Variants in CSF1R observed in about 807,000 individuals in gnomAD.
The protein encoded by CSF1R is colony stimulating factor 1 receptor.
A neutral mutation model predicts 110.0 loss-of-function variants in CSF1R; 40 were observed. The ratio of observed to expected loss-of-function variants is 0.36; its 90% CI spans 0.28 to 0.47. The LOEUF (loss-of-function observed/expected upper bound fraction) is 0.47, where lower values mean the gene tolerates loss of function less well. Among genes scored for constraint, CSF1R ranks in the 20% least tolerant of loss-of-function variants. The pLI is 0.99. For missense variants in CSF1R, 1,052 were observed against 1,253.0 expected (o/e 0.84, Z 2.42); for synonymous variants, 523 against 503.4 (o/e 1.04, Z -0.52).
rs1354947985 is a variant in CSF1R, at chr5:150,085,283, A to AAAAAAAAAAC, written c.49+1095_49+1096insGTTTTTTTTT. 6.0e-5 allele frequency among the ~76,000 whole-genome samples: 9 copies of AAAAAAAAAAC among 150,052 alleles called. 1 individual carries two copies. The highest frequency in any genetic ancestry group is 2.2e-4 in the African/African-American group (9 of 40,508). ...GAGAGAGACTCTGTCTCAGGAAAAA[A>AAAAAAAAAAC]AAAAAAAAAACCCAAATACTCAAGC... On this transcript the variant is annotated intron_variant, in intron 1 of 20. Transcript: ENST00000675795.
At chr5:150,077,910 CG>C in intron 4 of CSF1R, among the ~76,000 whole-genome samples, 1 of 150,290 alleles carries the variant, frequency 6.7e-6, no homozygotes, top group East Asian at 2.0e-4. Flanking sequence ...CAAAGTTCAG[CG>C]GCACAAGCAT....
At chr5:150,092,419 C>T (rs571346402) in intron 1 of CSF1R, among the ~76,000 whole-genome samples, 2 of 150,128 alleles carry the variant, frequency 1.3e-5, no homozygotes, top group South Asian at 4.2e-4. Context: ...TAGTACTAAA[C>T]CCTGTATATG....
upstream of CSF1R, among the ~76,000 whole-genome samples, chr5:150,087,938 G>A (rs1321664574): frequency 1.3e-5 from 2 of 152,082 alleles, no homozygotes; most frequent in Non-Finnish European, 2.9e-5. Context: ...GTTTCACCAT[G>A]TTGTCCAGGC....
chr5:150,110,601 A>T (rs1199222457), intron 1 of CSF1R, among the ~76,000 whole-genome samples: 1 of 152,246 alleles, frequency 6.6e-6, no homozygotes, highest in African/African-American at 2.4e-5. Context: ...AAAAAGTTGC[A>T]CAATGACAAA....
intron 1 of CSF1R, among the ~76,000 whole-genome samples, chr5:150,105,382 A>ATTTT (rs1195495947): frequency 2.4e-5 from 2 of 82,798 alleles, no homozygotes; most frequent in African/African-American, 9.3e-5. Flanking sequence ...ATATATATAT[A>ATTTT]TATTTTTTTT....
At position 150,077,389 on chromosome 5, in the gene CSF1R, T is replaced by C. The variant is rs1758313662; in HGVS notation, c.776A>G (p.Lys259Arg). 1 of 1,613,948 alleles carries C rather than the reference T, an allele frequency of 6.2e-7. No homozygotes were observed. The highest frequency in any genetic ancestry group is 1.3e-5 in the African/African-American group (1 of 74,894). The part of the protein sequence containing the change: ...QSDFHNNRYQ[K>R]VLTLNLDQVD... The stretch of plus-strand genomic sequence containing the variant: ...TTGATCGAGGTTGAGGGTCAGGACT[T>C]TTTGGTAACGGTTATTATGAAAGTC... The change falls in exon 5 of 21, where the codon AAA (lysine) becomes AGA (arginine). Residue 259 changes from lysine (K) to arginine (R), a missense_variant. Physicochemically the swap from Lys to Arg is conservative, Grantham distance 26 (BLOSUM62 2). Transcript: ENST00000675795.
intron 18 of CSF1R, among the ~76,000 whole-genome samples, chr5:150,055,659 G>A (rs1284886166): frequency 6.6e-6 from 1 of 152,224 alleles, no homozygotes; most frequent in Non-Finnish European, 1.5e-5. Context: ...TAAGAACTGA[G>A]TACAAGTCCT....
In CSF1R at chr5:150,054,316, A is replaced by G. The variant is rs1291488051; in HGVS notation, c.2763+6T>C. The G allele has an allele frequency of 1.2e-6, 2 of 1,613,664 alleles. No homozygotes were observed. Among genetic ancestry groups the G allele is most frequent in the South Asian group, 2.2e-5 (2 of 91,062 alleles). On this transcript the variant is annotated splice_donor_region_variant and intron_variant, in intron 20 of 20. Transcript: ENST00000675795. The stretch of plus-strand genomic sequence containing the variant: ...GGCCACCCACCCCAAGCCTCACCCC[A>G]CTCACCCGCTCTCTCCTGTCCTCTT...
rs1757478708 is a variant in CSF1R, at chr5:150,060,865, C to T, written c.1966G>A (p.Gly656Arg). 1 of 1,605,400 alleles carries T rather than the reference C, an allele frequency of 6.2e-7. No individual in the cohort carries two copies. Among genetic ancestry groups the T allele is most frequent in the Non-Finnish European group, 8.5e-7 (1 of 1,175,372 alleles). ...IVNLLGACTH[G>R]GPVLVITEYC... ...CCAGGAACCCCAAGGCCCTTACCTC[C>T]ATGGGTACAGGCTCCCAGAAGGTTG... Residue 656 changes from glycine (G) to arginine (R), a missense_variant, in exon 13 of 21, where the codon GGA becomes AGA. Coordinates refer to ENST00000675795, the MANE Select transcript of CSF1R (RefSeq NM_001288705.3).
At position 150,070,424 on chromosome 5, in the gene CSF1R, C is replaced by T. The variant is rs369213898; in HGVS notation, c.1198+32G>A. On this transcript the variant is annotated intron_variant, in intron 7 of 20. Transcript: ENST00000675795. ...TCCCTCCAGGCAGTCCCAGGGCCTC[C>T]GCCCCAGGTGGCGCTCGGCCCCAGC... 1.0e-4 allele frequency: 161 copies of T among 1,556,438 alleles called. 1 individual carries two copies. The Middle Eastern group carries it at 1.7e-3, about 17-fold the overall frequency.
In CSF1R at chr5:150,053,675, T is replaced by C. The variant is rs1396159740; in HGVS notation, c.*394A>G. The C allele has an allele frequency of 5.9e-6, 2 of 336,658 alleles. No individual in the cohort carries two copies. The highest frequency in any genetic ancestry group is 1.0e-4 in the East Asian group (2 of 19,414). 20.9% of individuals were successfully genotyped at this position (336,658 alleles called of 1,614,324 possible). ...GGAGATCTCACTCTCTGCCAGTCTG[T>C]CTAGCCCCAAAGAGCCTGGTTTTCT... On this transcript the variant is annotated 3_prime_UTR_variant, in exon 21 of 21. Coordinates refer to ENST00000675795, the MANE Select transcript of CSF1R (RefSeq NM_001288705.3).
chr5:150,059,985 G>A (rs762011836), intron 13 of CSF1R, 123 bp from the exon 14 acceptor site: 48 of 1,104,552 alleles, frequency 4.3e-5, no homozygotes, highest in East Asian at 1.7e-4. Flanking sequence ...TTCTAACCTC[G>A]GCTCTGTGAG....
In CSF1R at chr5:150,054,330, T is replaced by C. The variant is rs775010082; in HGVS notation, c.2755A>G (p.Arg919Gly). The C allele has an allele frequency of 5.6e-6, 9 of 1,614,042 alleles. No homozygotes were observed. The African/African-American group carries it at 9.3e-5, about 17-fold the overall frequency. Residue 919 changes from arginine to glycine, a missense_variant, in exon 20 of 21, where the codon AGA becomes GGA. Transcript: ENST00000675795. ...AGCCTCACCCCACTCACCCGCTCTC[T>C]CCTGTCCTCTTGGGCCTGCTCCTGA... The part of the protein sequence containing the change: ...FLQEQAQEDR[R>G]ERDYTNLPSS...
intron 10 of CSF1R, among the ~76,000 whole-genome samples, chr5:150,062,967 A>G (rs1647436084): frequency 1.3e-5 from 2 of 152,174 alleles, no homozygotes; most frequent in Admixed American, 6.5e-5. Context: ...TGGGGGGCAG[A>G]TTCCAGAAAC....
At chr5:150,104,572 T>A (rs1371374497) in intron 1 of CSF1R, among the ~76,000 whole-genome samples, 1 of 152,216 alleles carries the variant, frequency 6.6e-6, no homozygotes, top group Non-Finnish European at 1.5e-5. Flanking sequence ...CGCCCAGTGC[T>A]CTTTGGAATT....
At chr5:150,087,665 C>A (rs551975186), upstream of CSF1R, among the ~76,000 whole-genome samples, 1 of 152,262 alleles carries the variant, frequency 6.6e-6, no homozygotes, top group South Asian at 2.1e-4. Flanking sequence ...ATTGCTTTTA[C>A]CTCTTTTAGT....
At chr5:150,076,679 C>G (rs1430042000) in intron 5 of CSF1R, among the ~76,000 whole-genome samples, 2 of 152,238 alleles carry the variant, frequency 1.3e-5, no homozygotes, top group South Asian at 4.1e-4. Context: ...ACTCCTCACA[C>G]CACTCCACAT....
At chr5:150,078,015 C>A in intron 4 of CSF1R, 97 bp downstream of exon 4, 1 of 1,501,130 alleles carries the variant, frequency 6.7e-7, no homozygotes, top group Non-Finnish European at 9.1e-7. Context: ...TCAGCTAAGA[C>A]AGCCAGTTTG....
At chr5:150,067,569 T>C (rs141448134) in intron 10 of CSF1R, among the ~76,000 whole-genome samples, 1 of 152,326 alleles carries the variant, frequency 6.6e-6, no homozygotes, top group Admixed American at 6.5e-5. Context: ...GGAAGCACAC[T>C]ATACGCAACA....
Sources: allele counts gnomAD v4.1 joint callset (sites outside exome capture counted in the v4.1 genomes callset), GRCh38; gene constraint gnomAD v4.1.1; transcripts MANE v1.5; gene names NCBI Gene and HGNC (gene_info 2026-07-23, HGNC 2026-07-21).